The following ADGRL2 variants were observed in gnomAD, a reference collection of about 807,000 sequenced individuals.
ADGRL2 encodes adhesion G protein-coupled receptor L2.
In ADGRL2, 44 loss-of-function variants were observed where a neutral mutation model predicts 157.4. That is an observed-to-expected ratio of 0.28 (90% CI 0.22 to 0.36). The LOEUF (loss-of-function observed/expected upper bound fraction) is 0.36, where lower values mean the gene tolerates loss of function less well. Among genes scored for constraint, ADGRL2 ranks in the 10% least tolerant of loss-of-function variants. ADGRL2 has a pLI of 1.00. For synonymous variants in ADGRL2, 585 were observed against 624.7 expected (o/e 0.94, Z 0.95); for missense variants, 1,510 against 1,768.9 (o/e 0.85, Z 2.63).
chr1:81,344,278 G>T (rs1477235800), intron 1 of ADGRL2, among the ~76,000 whole-genome samples: 1 of 152,168 alleles, frequency 6.6e-6, no homozygotes, highest in Non-Finnish European at 1.5e-5. Flanking sequence ...GATTGGCCAT[G>T]CTGTGAGTAT....
At chr1:81,428,296 A>G (rs1008249001) in intron 1 of ADGRL2, among the ~76,000 whole-genome samples, 3 of 151,934 alleles carry the variant, frequency 2.0e-5, no homozygotes, top group Non-Finnish European at 4.4e-5. Context: ...ATTTAATAGC[A>G]TTAAGATTAC....
Position 81,479,937 on chromosome 1 carries a change from G to A in ADGRL2, c.-248+34848G>A, listed in dbSNP as rs528369368. Among the ~76,000 whole-genome samples, 222 of 152,264 alleles carry A rather than the reference G, an allele frequency of 1.5e-3. 1 individual carries two copies. The highest frequency in any genetic ancestry group is 5.3e-3 in the African/African-American group (220 of 41,558). ...TTAAGTCAAAATGATACCTTAAGTT[G>A]CAACCGAAGTTTTATGGACATTATC... On this transcript the variant is annotated intron_variant, in intron 2 of 24. Transcript: ENST00000370721.
At chr1:81,701,622 G>T (rs2083577211) in intron 1 of ADGRL2, among the ~76,000 whole-genome samples, 1 of 152,070 alleles carries the variant, frequency 6.6e-6, no homozygotes. Flanking sequence ...GAAAGAGTCT[G>T]CCTAAATCAC....
chr1:81,571,071 T>C (rs1440652650), intron 2 of ADGRL2, among the ~76,000 whole-genome samples: 1 of 152,016 alleles, frequency 6.6e-6, no homozygotes, highest in Non-Finnish European at 1.5e-5. Context: ...ACGTCTGTAA[T>C]CCCAGCACTT....
chr1:81,847,849 G>A (rs920179430), intron 2 of ADGRL2, among the ~76,000 whole-genome samples: 1 of 151,758 alleles, frequency 6.6e-6, no homozygotes, highest in Non-Finnish European at 1.5e-5. Context: ...GTCTTATTTA[G>A]AAAAAGTTTA....
At chr1:81,791,638 A>C (rs1195179266) in intron 2 of ADGRL2, among the ~76,000 whole-genome samples, 2 of 152,162 alleles carry the variant, frequency 1.3e-5, no homozygotes, top group African/African-American at 2.4e-5. Context: ...AAAAGAAAAA[A>C]AAGGAGATGA....
At chr1:81,659,032 G>T (rs184056881) in intron 3 of ADGRL2, among the ~76,000 whole-genome samples, 6,023 of 147,578 alleles carry the variant, frequency 0.041, 155 homozygotes, top group East Asian at 0.063. Context: ...GTTTACAGGC[G>T]TGAGCCACCA....
chr1:81,754,227 C>CTCTTTCTT (rs76662751), intron 1 of ADGRL2, among the ~76,000 whole-genome samples: 4 of 133,664 alleles, frequency 3.0e-5, no homozygotes, highest in South Asian at 2.6e-4. Context: ...CTTCCTCTCT[C>CTCTTTCTT]TCTTTCTTTC....
At chr1:81,633,103 T>G (rs2082045960) in intron 3 of ADGRL2, among the ~76,000 whole-genome samples, 2 of 152,218 alleles carry the variant, frequency 1.3e-5, no homozygotes. Context: ...ATAACTGTTC[T>G]TCAACTCTTT....
intron 1 of ADGRL2, among the ~76,000 whole-genome samples, chr1:81,702,348 T>A (rs184331695): frequency 6.6e-6 from 1 of 152,308 alleles, no homozygotes; most frequent in East Asian, 1.9e-4. Context: ...ACTCTGCCAA[T>A]GTACATGTAC....
intron 3 of ADGRL2, among the ~76,000 whole-genome samples, chr1:81,684,078 G>A (rs2083179606): frequency 1.3e-5 from 2 of 152,164 alleles, no homozygotes; most frequent in Non-Finnish European, 2.9e-5. Context: ...GCCTCCCGAA[G>A]TGCTGGGATT....
intron 3 of ADGRL2, among the ~76,000 whole-genome samples, chr1:81,669,743 C>T (rs973281963): frequency 2.0e-5 from 3 of 151,872 alleles, no homozygotes; most frequent in Non-Finnish European, 4.4e-5. Context: ...GAGATCGAGA[C>T]CATCCTGGCT....
chr1:81,942,942 A>G lies in ADGRL2; in HGVS notation c.410-27A>G, dbSNP rs370761184. 3.2e-6 allele frequency: 5 copies of G among 1,567,116 alleles called. No individual in the cohort carries two copies. The East Asian group carries it at 6.8e-5, about 21-fold the overall frequency. On this transcript the variant is annotated intron_variant, in intron 5 of 23. Coordinates refer to ENST00000686636, the MANE Select transcript of ADGRL2 (RefSeq NM_001366006.2). The stretch of plus-strand genomic sequence containing the variant: ...CTGTGTAATTTTTTAACTTGGCTTA[A>G]TTTTTGTCTTTCTCTGTAACTGTTA...
intron 1 of ADGRL2, among the ~76,000 whole-genome samples, chr1:81,315,813 G>A (rs1343902252): frequency 6.6e-6 from 1 of 151,884 alleles, no homozygotes; most frequent in Non-Finnish European, 1.5e-5. Flanking sequence ...ATGTCTGTCT[G>A]AAAGTAACTT....
At chr1:81,760,284 A>G (rs2085831321) in intron 1 of ADGRL2, among the ~76,000 whole-genome samples, 1 of 152,138 alleles carries the variant, frequency 6.6e-6, no homozygotes, top group Non-Finnish European at 1.5e-5. Flanking sequence ...TAAAGTGTGC[A>G]TAGCTGCTGA....
chr1:81,709,184 G>A (rs1373100886), intron 1 of ADGRL2, among the ~76,000 whole-genome samples: 1 of 152,126 alleles, frequency 6.6e-6, no homozygotes, highest in Non-Finnish European at 1.5e-5. Context: ...AGTCATTAGG[G>A]TGGTATAAAA....
intron 2 of ADGRL2, among the ~76,000 whole-genome samples, chr1:81,504,226 C>T (rs2078919084): frequency 6.6e-6 from 1 of 152,110 alleles, no homozygotes; most frequent in South Asian, 2.1e-4. Context: ...CCCGCTTGCC[C>T]TTATTGTCCT....
chr1:81,882,082 A>C (rs2094003162), intron 2 of ADGRL2, among the ~76,000 whole-genome samples: 1 of 152,128 alleles, frequency 6.6e-6, no homozygotes, highest in Non-Finnish European at 1.5e-5. Context: ...TTGTTTCTTG[A>C]TTTTAAGTAT....
intron 2 of ADGRL2, among the ~76,000 whole-genome samples, chr1:81,774,468 T>G (rs2086497216): frequency 6.6e-6 from 1 of 152,200 alleles, no homozygotes; most frequent in Non-Finnish European, 1.5e-5. Context: ...ATCAGAATTT[T>G]GGGTGGCATT....
Sources: gnomAD v4.1 joint callset for allele counts (sites outside exome capture counted in the v4.1 genomes callset) on GRCh38, gnomAD v4.1.1 for gene constraint, MANE v1.5 for transcripts, NCBI Gene and HGNC (gene_info 2026-07-23, HGNC 2026-07-21) for gene names.